Variants in NAA25 observed in about 807,000 individuals in gnomAD.
The protein encoded by NAA25 is N-alpha-acetyltransferase 25, NatB auxiliary subunit, also known as N-terminal acetyltransferase B complex subunit NAA25.
Under a neutral mutation model 132.5 loss-of-function variants are expected in NAA25, and 30 were observed. The ratio of observed to expected loss-of-function variants is 0.23; its 90% CI spans 0.17 to 0.31. The LOEUF (loss-of-function observed/expected upper bound fraction) is 0.31. Ranked by LOEUF, NAA25 falls within the 10% of genes least tolerant of loss-of-function variation. The pLI is 1.00. For missense variants in NAA25, 771 were observed against 1,150.4 expected, an observed-to-expected ratio of 0.67 and a Z score of 4.77; for synonymous variants, 359 against 401.9, an observed-to-expected ratio of 0.89 and a Z score of 1.28.
At chr12:112,090,969 C>A in intron 2 of NAA25, 105 bp from the exon 3 acceptor site, 1 of 1,131,246 alleles carries the variant, frequency 8.8e-7, no homozygotes, top group South Asian at 1.5e-5. Flanking sequence ...GCCTAGGTTG[C>A]TGATATACTA....
At chr12:112,054,629 C>A (rs1293471868) in intron 13 of NAA25, 61 bp from the exon 14 acceptor site, 4 of 1,474,034 alleles carry the variant, frequency 2.7e-6, no homozygotes, top group Admixed American at 4.5e-5. Context: ...TTCCCAAAAA[C>A]AAAAAACAAA....
intron 1 of NAA25, among the ~76,000 whole-genome samples, chr12:112,095,233 T>G (rs186508438): frequency 0.022 from 3,397 of 151,606 alleles, 50 homozygotes; most frequent in Non-Finnish European, 0.037. Context: ...GTCAGGAGAT[T>G]GAGACCATCC....
chr12:112,068,346 A>T (rs927950645), intron 11 of NAA25, among the ~76,000 whole-genome samples: 2 of 152,164 alleles, frequency 1.3e-5, no homozygotes, highest in Non-Finnish European at 2.9e-5. Context: ...ACTGTTCTGT[A>T]TCTTGACTAC....
chr12:112,108,690 C>A (rs2079402910), intron 1 of NAA25, 26 bp downstream of exon 1: 2 of 1,450,418 alleles, frequency 1.4e-6, no homozygotes, highest in South Asian at 1.4e-5. Flanking sequence ...GTCGGGCTGG[C>A]GAGCGGGCTG....
At chr12:112,091,146 C>T (rs2079122624) in intron 2 of NAA25, among the ~76,000 whole-genome samples, 2 of 150,890 alleles carry the variant, frequency 1.3e-5, no homozygotes, top group African/African-American at 4.9e-5. Context: ...GGTGTGCACC[C>T]AGCTACTTGA....
intron 1 of NAA25, among the ~76,000 whole-genome samples, chr12:112,104,555 G>A (rs937970784): frequency 6.6e-6 from 1 of 152,072 alleles, no homozygotes; most frequent in African/African-American, 2.4e-5. Flanking sequence ...AGAATAATGG[G>A]GCCAGGTGCA....
chr12:112,042,162 A>C (rs769608911), intron 19 of NAA25, 58 bp from the exon 20 acceptor site: 4 of 861,026 alleles, frequency 4.6e-6, no homozygotes, highest in Non-Finnish European at 6.7e-6. Context: ...TAAGATAAAG[A>C]AGCAAGATAA....
At chr12:112,092,688 T>C (rs1273358869) in intron 2 of NAA25, among the ~76,000 whole-genome samples, 2 of 152,050 alleles carry the variant, frequency 1.3e-5, no homozygotes, top group Non-Finnish European at 2.9e-5. Context: ...CCCCCTTTTT[T>C]TTTTTTTGAG....
chr12:112,078,886 T>C (rs2078930853), intron 5 of NAA25, 145 bp from the exon 6 acceptor site: 1 of 627,092 alleles, frequency 1.6e-6, no homozygotes, highest in Non-Finnish European at 2.7e-6. Flanking sequence ...GGAGGTACAT[T>C]ACGGAGCAGT....
At chr12:112,095,795 T>G (rs1248879224) in intron 1 of NAA25, among the ~76,000 whole-genome samples, 1 of 152,028 alleles carries the variant, frequency 6.6e-6, no homozygotes, top group African/African-American at 2.4e-5. Flanking sequence ...ACTATACAGA[T>G]AGTAAAATCA....
In NAA25 at chr12:112,047,673, T is replaced by C. The variant is rs149839526; in HGVS notation, c.1998A>G (p.Pro666=). 993 of 1,608,900 alleles carry C rather than the reference T, an allele frequency of 6.2e-4. No homozygotes were observed. Among genetic ancestry groups the C allele is most frequent in the Non-Finnish European group, 8.0e-4 (939 of 1,178,860 alleles). ...GGTTAAATTCCAGTTACCTGTCTTTTGGATCCCAGCTGAAAAAAACATTTA... is the reference window on the plus strand; with the variant it reads ...GGTTAAATTCCAGTTACCTGTCTTTCGGATCCCAGCTGAAAAAAACATTTA... ...RDLNVFFSWD[P]KDRDVSEEHK... is the part of the protein sequence containing the mutation. The change falls in exon 17 of 24, where the codon CCA becomes CCG. Residue 666 remains proline, a synonymous_variant. Transcript: ENST00000261745.
intron 23 of NAA25, among the ~76,000 whole-genome samples, chr12:112,032,292 T>G (rs1213132483): frequency 2.0e-5 from 3 of 152,100 alleles, no homozygotes; most frequent in African/African-American, 7.2e-5. Flanking sequence ...AATCAATCTT[T>G]GGTAATGTGA....
chr12:112,032,601 C>T (rs1417429648), intron 23 of NAA25, among the ~76,000 whole-genome samples: 3 of 152,214 alleles, frequency 2.0e-5, no homozygotes, highest in Non-Finnish European at 4.4e-5. Context: ...CCACCACTGT[C>T]CTTCTTGCCC....
chr12:112,035,611 C>G (rs1805413133), intron 22 of NAA25, among the ~76,000 whole-genome samples: 1 of 151,994 alleles, frequency 6.6e-6, no homozygotes, highest in Non-Finnish European at 1.5e-5. Context: ...AGCAGAGCAT[C>G]CAATCTAAAG....
chr12:112,074,233 C>T (rs948280361), intron 9 of NAA25, among the ~76,000 whole-genome samples: 1 of 147,866 alleles, frequency 6.8e-6, no homozygotes, highest in African/African-American at 2.5e-5. Flanking sequence ...CCCAGCTATT[C>T]GGGAAGCTGA....
intron 23 of NAA25, among the ~76,000 whole-genome samples, chr12:112,032,745 G>C (rs1158074418): frequency 6.6e-6 from 1 of 152,182 alleles, no homozygotes; most frequent in Non-Finnish European, 1.5e-5. Context: ...AATATCAGAA[G>C]ACATTTGATG....
intron 15 of NAA25, 37 bp from the exon 16 acceptor site, chr12:112,048,480 C>A: frequency 6.3e-7 from 1 of 1,582,030 alleles, no homozygotes; most frequent in South Asian, 1.1e-5. Flanking sequence ...ATAAATAGTT[C>A]ACAAGTCAGG....
At chr12:112,037,481 T>C (rs577379889) in intron 22 of NAA25, 1 of 147,718 alleles carries the variant, frequency 6.8e-6, no homozygotes, top group African/African-American at 2.5e-5. Flanking sequence ...TAACAATGAA[T>C]GCTAAAACCA....
At chr12:112,061,107 A>G (rs2078622718) in intron 12 of NAA25, 74 bp downstream of exon 12, 3 of 1,189,920 alleles carry the variant, frequency 2.5e-6, no homozygotes, top group African/African-American at 1.5e-5. Context: ...AGGGTGCTAC[A>G]GGTGCTTAAA....
Sources: gnomAD v4.1 joint callset for allele counts (sites outside exome capture counted in the v4.1 genomes callset) on GRCh38, gnomAD v4.1.1 for gene constraint, MANE v1.5 for transcripts, NCBI Gene and HGNC (gene_info 2026-07-23, HGNC 2026-07-21) for gene names.